GRXCR1: variants seen among roughly 807,000 people sequenced by gnomAD.
The protein encoded by GRXCR1 is glutaredoxin domain-containing cysteine-rich protein 1.
In GRXCR1, 27 loss-of-function variants were observed where a neutral mutation model predicts 27.3. That is an observed-to-expected ratio of 0.99 (90% CI 0.73 to 1.37). The LOEUF (loss-of-function observed/expected upper bound fraction) is 1.37. Among genes scored for constraint, GRXCR1 ranks in the 40% most tolerant of loss-of-function variants. GRXCR1 has a pLI of 0.00. For missense variants in GRXCR1, 379 were observed against 354.4 expected (o/e 1.07, Z -0.56); for synonymous variants, 122 against 131.1 (o/e 0.93, Z 0.47).
intron 1 of GRXCR1, among the ~76,000 whole-genome samples, chr4:42,922,636 A>G (rs1747041782): frequency 6.6e-6 from 1 of 152,098 alleles, no homozygotes; most frequent in South Asian, 2.1e-4. Context: ...GGTTAAAGGT[A>G]TTGGCCCCTG....
chr4:42,917,153 T>G (rs140612127), intron 1 of GRXCR1, among the ~76,000 whole-genome samples: 4 of 152,184 alleles, frequency 2.6e-5, no homozygotes, highest in Admixed American at 2.6e-4. Flanking sequence ...GGTTTCCCAA[T>G]ACATTTGGTA....
chr4:42,923,815 G>A (rs17534584), intron 1 of GRXCR1, among the ~76,000 whole-genome samples: 5,257 of 152,112 alleles, frequency 0.035, 143 homozygotes, highest in Middle Eastern at 0.061. Flanking sequence ...CATTTCATGG[G>A]TAGCACTGAA....
chr4:42,924,832 A>G (rs968544094), intron 1 of GRXCR1, among the ~76,000 whole-genome samples: 1 of 152,078 alleles, frequency 6.6e-6, no homozygotes, highest in African/African-American at 2.4e-5. Flanking sequence ...GATGGGGGTA[A>G]CAGGTAAGGG....
At chr4:42,981,571 T>C (rs1481526557) in intron 2 of GRXCR1, among the ~76,000 whole-genome samples, 2 of 152,198 alleles carry the variant, frequency 1.3e-5, no homozygotes. Context: ...TCATTAGTGT[T>C]CTTTTCTTTT....
chr4:43,020,022 A>G (rs1312790769), intron 2 of GRXCR1, among the ~76,000 whole-genome samples: 1 of 152,110 alleles, frequency 6.6e-6, no homozygotes, highest in African/African-American at 2.4e-5. Context: ...CCTTTCCCAG[A>G]TGGTAGACTG....
intron 3 of GRXCR1, among the ~76,000 whole-genome samples, chr4:43,027,019 G>A (rs1210533741): frequency 1.3e-5 from 2 of 152,192 alleles, no homozygotes; most frequent in African/African-American, 4.8e-5. Flanking sequence ...ACCAGAAGGC[G>A]AAGTATGGAA....
intron 2 of GRXCR1, among the ~76,000 whole-genome samples, chr4:42,990,278 G>A (rs4861049): frequency 0.031 from 3,911 of 125,608 alleles, 183 homozygotes; most frequent in African/African-American, 0.11. Flanking sequence ...TGCAAGCCCC[G>A]CCTCCCGGGT....
intron 2 of GRXCR1, among the ~76,000 whole-genome samples, chr4:42,974,239 G>A (rs937700823): frequency 6.6e-6 from 1 of 152,114 alleles, no homozygotes; most frequent in African/African-American, 2.4e-5. Context: ...GTCAGGGTAG[G>A]AGGGATGAAA....
At chr4:43,006,354 G>A (rs1712558324) in intron 2 of GRXCR1, among the ~76,000 whole-genome samples, 1 of 152,296 alleles carries the variant, frequency 6.6e-6, no homozygotes, top group Admixed American at 6.5e-5. Context: ...GCAGAACAGA[G>A]CCATATTTCT....
intron 3 of GRXCR1, among the ~76,000 whole-genome samples, chr4:43,025,900 A>T (rs373670514): frequency 6.6e-6 from 1 of 150,830 alleles, no homozygotes; most frequent in Non-Finnish European, 1.5e-5. Flanking sequence ...GGCGTGAACC[A>T]GGGAGGCAGA....
intron 2 of GRXCR1, among the ~76,000 whole-genome samples, chr4:43,013,843 G>A (rs771070269): frequency 2.0e-5 from 3 of 151,996 alleles, no homozygotes; most frequent in Admixed American, 6.6e-5. Flanking sequence ...TGGGAGAGAT[G>A]GCTTTCTGCC....
At chr4:43,027,511 T>C (rs894093135) in intron 3 of GRXCR1, among the ~76,000 whole-genome samples, 4 of 152,216 alleles carry the variant, frequency 2.6e-5, no homozygotes, top group Non-Finnish European at 5.9e-5. Flanking sequence ...GCCCATTATG[T>C]AAAATAATTT....
intron 2 of GRXCR1, among the ~76,000 whole-genome samples, chr4:43,007,619 A>G (rs1271203882): frequency 6.6e-6 from 1 of 152,192 alleles, no homozygotes; most frequent in African/African-American, 2.4e-5. Context: ...GTGATAAGAA[A>G]TGGATGCATT....
chr4:42,963,037 T>G lies in GRXCR1; in HGVS notation c.530T>G (p.Leu177Arg), dbSNP rs1005466175. Reference protein sequence around the residue: ...RVKFEEKNIALNGEYGKELDE... With the variant: ...RVKFEEKNIARNGEYGKELDE... ...AAATTTGAAGAGAAAAACATAGCCCTGAATGGTGAATATGGAAAAGAGTTA... is the reference window on the plus strand; with the variant it reads ...AAATTTGAAGAGAAAAACATAGCCCGGAATGGTGAATATGGAAAAGAGTTA... The change falls in exon 2 of 4, where the codon CTG becomes CGG. Residue 177 changes from leucine (L) to arginine (R), a missense_variant. Coordinates refer to ENST00000399770, the MANE Select transcript of GRXCR1 (RefSeq NM_001080476.3). 4 of 1,612,780 alleles carry G rather than the reference T, an allele frequency of 2.5e-6. No individual in the cohort carries two copies. The African/African-American group carries it at 4.0e-5, about 16-fold the overall frequency.
chr4:42,997,313 A>C (rs1712199264), intron 2 of GRXCR1, among the ~76,000 whole-genome samples: 1 of 152,200 alleles, frequency 6.6e-6, no homozygotes, highest in Non-Finnish European at 1.5e-5. Context: ...TAGATTAGCA[A>C]ATTGTGATTT....
At chr4:42,950,874 CTA>C (rs1269842650) in intron 1 of GRXCR1, among the ~76,000 whole-genome samples, 1 of 152,086 alleles carries the variant, frequency 6.6e-6, no homozygotes, top group African/African-American at 2.4e-5. Flanking sequence ...ATATCTATGT[CTA>C]TATGTCTACA....
At chr4:43,020,482 T>G in intron 3 of GRXCR1, 63 bp downstream of exon 3, 1 of 1,047,620 alleles carries the variant, frequency 9.5e-7, no homozygotes. Flanking sequence ...CTGATTATAA[T>G]TGAGTTTTCC....
intron 2 of GRXCR1, among the ~76,000 whole-genome samples, chr4:42,993,681 G>A (rs533053590): frequency 6.6e-6 from 1 of 152,054 alleles, no homozygotes; most frequent in Non-Finnish European, 1.5e-5. Context: ...AGTGAAAAGC[G>A]TAATCGGGTT....
intron 2 of GRXCR1, among the ~76,000 whole-genome samples, chr4:42,987,279 G>T (rs13104229): frequency 0.27 from 23,548 of 88,644 alleles, 2,566 homozygotes; most frequent in Middle Eastern, 0.35. Flanking sequence ...TATATATATA[G>T]AGAGAGAGAG....
Sources: allele counts gnomAD v4.1 joint callset (sites outside exome capture counted in the v4.1 genomes callset), GRCh38; gene constraint gnomAD v4.1.1; transcripts MANE v1.5; gene names NCBI Gene and HGNC (gene_info 2026-07-23, HGNC 2026-07-21).